The following ANO10 variants were observed in gnomAD, a reference collection of about 807,000 sequenced individuals.
ANO10 encodes anoctamin 10, also known as anoctamin-10.
ANO10 carries 77 observed loss-of-function variants against 74.7 expected under a neutral mutation model. That is an observed-to-expected ratio of 1.03 (90% confidence interval 0.86 to 1.25). ANO10 has a LOEUF of 1.25. Ranked by LOEUF, ANO10 falls within the 50% of genes most tolerant of loss-of-function variation. The probability of loss-of-function intolerance (pLI) is 0.00; values close to 1 mark genes in which losing one functional copy is unlikely to be tolerated. For synonymous variants in ANO10, 279 were observed against 284.9 expected (o/e 0.98, Z 0.21); for missense variants, 721 against 778.1 (o/e 0.93, Z 0.87).
At chr3:43,540,946 A>G (rs2149277460) in intron 11 of ANO10, among the ~76,000 whole-genome samples, 1 of 152,338 alleles carries the variant, frequency 6.6e-6, no homozygotes, top group East Asian at 1.9e-4. Context: ...TTCCCACAAC[A>G]TTAGGAGAAC....
At chr3:43,368,464 A>C (rs1016660977) in intron 12 of ANO10, among the ~76,000 whole-genome samples, 3 of 152,112 alleles carry the variant, frequency 2.0e-5, no homozygotes, top group Non-Finnish European at 4.4e-5. Flanking sequence ...ATAGTTCACA[A>C]ACCTAGAAAG....
chr3:43,565,220 G>A (rs1227800805), intron 8 of ANO10, among the ~76,000 whole-genome samples: 1 of 152,156 alleles, frequency 6.6e-6, no homozygotes, highest in Non-Finnish European at 1.5e-5. Context: ...ATAAATGTCA[G>A]ACACTTTAGA....
chr3:43,524,202 G>T (rs1055494961), intron 11 of ANO10, among the ~76,000 whole-genome samples: 1 of 16,186 alleles, frequency 6.2e-5, no homozygotes, highest in South Asian at 2.3e-3. Flanking sequence ...TAGCCAAAGA[G>T]GTAGGAAGAA....
chr3:43,684,513 G>A (rs904119364), intron 1 of ANO10, among the ~76,000 whole-genome samples: 1 of 152,192 alleles, frequency 6.6e-6, no homozygotes, highest in African/African-American at 2.4e-5. Flanking sequence ...CATTGTGGAA[G>A]TCAGTGTGGT....
rs575002233 is a variant in ANO10, at chr3:43,426,801, A to G, written c.1914+5810T>C. 3.3e-5 allele frequency among the ~76,000 whole-genome samples: 5 copies of G among 152,364 alleles called. No homozygotes were observed. The South Asian group carries it at 1.0e-3, about 32-fold the overall frequency. ...TAAAGGTTTCAGCCAAATAAAGCCT[A>G]ATCATTTGAAAATGCCCTATGCAAA... On this transcript the variant is annotated intron_variant, in intron 12 of 12. Transcript: ENST00000292246.
intron 11 of ANO10, among the ~76,000 whole-genome samples, chr3:43,466,388 C>CAAAAA (rs1205923618): frequency 0.059 from 5,195 of 87,366 alleles, 152 homozygotes; most frequent in African/African-American, 0.087. Context: ...AAAAAAAAAA[C>CAAAAA]AAACAAAAAA....
intron 11 of ANO10, among the ~76,000 whole-genome samples, chr3:43,461,787 A>C (rs2075389281): frequency 6.6e-6 from 1 of 152,186 alleles, no homozygotes; most frequent in African/African-American, 2.4e-5. Flanking sequence ...ACAGCATGAA[A>C]ATGGACTAAT....
intron 1 of ANO10, among the ~76,000 whole-genome samples, chr3:43,620,235 G>A (rs975297134): frequency 1.3e-5 from 2 of 152,140 alleles, no homozygotes; most frequent in Non-Finnish European, 2.9e-5. Context: ...TTTCAAAGAT[G>A]TTTAAGAAGA....
intron 11 of ANO10, among the ~76,000 whole-genome samples, chr3:43,544,738 A>G (rs1340687643): frequency 2.0e-5 from 3 of 150,024 alleles, no homozygotes; most frequent in Admixed American, 1.3e-4. Context: ...GGATGCAGTG[A>G]GCCAAGATTG....
intron 12 of ANO10, among the ~76,000 whole-genome samples, chr3:43,412,641 G>C (rs1267884286): frequency 6.6e-6 from 1 of 152,152 alleles, no homozygotes; most frequent in Non-Finnish European, 1.5e-5. Context: ...TCATATGAAA[G>C]AAACAAACTC....
At chr3:43,516,760 A>C (rs970407956) in intron 11 of ANO10, among the ~76,000 whole-genome samples, 41 of 152,174 alleles carry the variant, frequency 2.7e-4, no homozygotes, top group Non-Finnish European at 5.9e-5. Flanking sequence ...CAGGTGGGAG[A>C]GAAAAGAGAT....
chr3:43,511,212 C>T (rs954928489), intron 11 of ANO10, among the ~76,000 whole-genome samples: 2 of 152,144 alleles, frequency 1.3e-5, no homozygotes, highest in Non-Finnish European at 2.9e-5. Flanking sequence ...ATATTTCCAA[C>T]CTAATTTATT....
intron 12 of ANO10, among the ~76,000 whole-genome samples, chr3:43,409,753 A>G (rs1044077461): frequency 6.6e-6 from 1 of 152,202 alleles, no homozygotes; most frequent in Non-Finnish European, 1.5e-5. Flanking sequence ...ACCAATGATA[A>G]GCATATGCAT....
intron 11 of ANO10, among the ~76,000 whole-genome samples, chr3:43,443,250 G>A (rs1034268170): frequency 2.6e-5 from 4 of 152,216 alleles, no homozygotes; most frequent in Non-Finnish European, 5.9e-5. Flanking sequence ...TGAACAAGGA[G>A]TTGGTCTTAA....
chr3:43,526,652 G>A (rs1023139974), intron 11 of ANO10, among the ~76,000 whole-genome samples: 4 of 152,108 alleles, frequency 2.6e-5, no homozygotes, highest in South Asian at 2.1e-4. Context: ...CTGGTAAAAC[G>A]TCCTATGTCT....
intron 8 of ANO10, 108 bp from the exon 9 acceptor site, chr3:43,561,510 A>T (rs1050034203): frequency 3.1e-6 from 3 of 975,238 alleles, no homozygotes; most frequent in Non-Finnish European, 3.1e-6. Flanking sequence ...CATAAATACA[A>T]TTATGCAACA....
At chr3:43,437,814 G>A (rs1423268741) in intron 11 of ANO10, among the ~76,000 whole-genome samples, 1 of 151,208 alleles carries the variant, frequency 6.6e-6, no homozygotes, top group Non-Finnish European at 1.5e-5. Flanking sequence ...ATGACAGAGA[G>A]ATGGCTGTTT....
chr3:43,393,328 T>C (rs1020344005), intron 12 of ANO10, among the ~76,000 whole-genome samples: 3 of 152,230 alleles, frequency 2.0e-5, no homozygotes, highest in African/African-American at 7.2e-5. Flanking sequence ...TTGGTTTTGA[T>C]TGACTTGATC....
intron 12 of ANO10, among the ~76,000 whole-genome samples, chr3:43,382,828 G>A (rs1036591237): frequency 1.3e-5 from 2 of 152,148 alleles, no homozygotes; most frequent in Non-Finnish European, 2.9e-5. Flanking sequence ...AAACGAGGGA[G>A]AAATAGAAAC....
Sources: allele counts gnomAD v4.1 joint callset (sites outside exome capture counted in the v4.1 genomes callset), GRCh38; gene constraint gnomAD v4.1.1; transcripts MANE v1.5; gene names NCBI Gene and HGNC (gene_info 2026-07-23, HGNC 2026-07-21).